CACNB4: variants seen among roughly 807,000 people sequenced by gnomAD.
CACNB4 encodes voltage-dependent L-type calcium channel subunit beta-4.
CACNB4 carries 32 observed loss-of-function variants against 71.2 expected under a neutral mutation model. The ratio of observed to expected loss-of-function variants is 0.45; its 90% CI spans 0.34 to 0.60. CACNB4 has a LOEUF of 0.60. Among genes scored for constraint, CACNB4 ranks in the 20% least tolerant of loss-of-function variants. The pLI, the probability that CACNB4 is intolerant of heterozygous loss-of-function variation, is 0.01. For synonymous variants in CACNB4, 231 were observed against 236.9 expected, an observed-to-expected ratio of 0.97 and a Z score of 0.23; for missense variants, 464 against 647.9, an observed-to-expected ratio of 0.72 and a Z score of 3.08.
At chr2:152,010,079 C>A in intron 2 of CACNB4, among the ~76,000 whole-genome samples, 1 of 152,224 alleles carries the variant, frequency 6.6e-6, no homozygotes, top group East Asian at 1.9e-4. Context: ...AGGCCACTAC[C>A]TTCCTCCAGA....
At chr2:152,040,626 G>C (rs553150754) in intron 2 of CACNB4, among the ~76,000 whole-genome samples, 1 of 152,226 alleles carries the variant, frequency 6.6e-6, no homozygotes, top group African/African-American at 2.4e-5. Context: ...ATTTTTAGTA[G>C]AGACGAGGTT....
intron 2 of CACNB4, among the ~76,000 whole-genome samples, chr2:151,990,748 A>C (rs1027956842): frequency 1.3e-5 from 2 of 152,226 alleles, no homozygotes; most frequent in African/African-American, 4.8e-5. Context: ...TGAGTGAGCA[A>C]ACAGGACAAG....
At chr2:152,054,233 G>A (rs1685603722) in intron 2 of CACNB4, among the ~76,000 whole-genome samples, 1 of 151,688 alleles carries the variant, frequency 6.6e-6, no homozygotes, top group Non-Finnish European at 1.5e-5. Context: ...GGGCGTGGTG[G>A]CGCGCGCCTG....
At chr2:151,869,995 A>G in intron 8 of CACNB4, 1 of 538,376 alleles carries the variant, frequency 1.9e-6, no homozygotes, top group Non-Finnish European at 3.2e-6. Flanking sequence ...TCCTTGTCAC[A>G]TGGTTTTGTT....
At chr2:151,866,876 T>G (rs1173387077) in intron 9 of CACNB4, 1 of 150,516 alleles carries the variant, frequency 6.6e-6, no homozygotes, top group Non-Finnish European at 1.5e-5. Flanking sequence ...CATGAATACT[T>G]GAGATTGAAA....
chr2:151,965,886 C>A lies in CACNB4; in HGVS notation c.148-82516G>T, dbSNP rs529749530. On this transcript the variant is annotated intron_variant, in intron 2 of 13. Coordinates refer to ENST00000539935, the MANE Select transcript of CACNB4 (RefSeq NM_000726.5). ...TAAAAGTCTTAAATAAAACATTTTC[C>A]TTTTCAAACATCTACTCTACTCAAA... Among the ~76,000 whole-genome samples the A allele has an allele frequency of 2.0e-5, 3 of 152,262 alleles. No individual in the cohort carries two copies. The East Asian group carries it at 5.8e-4, about 29-fold the overall frequency.
chr2:151,860,662 C>A (rs1412894147), intron 10 of CACNB4, 49 bp downstream of exon 10: 1 of 1,250,482 alleles, frequency 8.0e-7, no homozygotes, highest in South Asian at 1.2e-5. Flanking sequence ...CATGTGTCAG[C>A]CCGGTCTGTA....
At chr2:152,033,295 C>A (rs184571650) in intron 2 of CACNB4, among the ~76,000 whole-genome samples, 57 of 152,310 alleles carry the variant, frequency 3.7e-4, no homozygotes, top group African/African-American at 1.2e-3. Flanking sequence ...ATTAAATCCC[C>A]GCTTGGTGGT....
chr2:152,052,654 G>C (rs1205521187), intron 2 of CACNB4, among the ~76,000 whole-genome samples: 2 of 152,080 alleles, frequency 1.3e-5, no homozygotes, highest in Non-Finnish European at 2.9e-5. Flanking sequence ...TTCATTCCTT[G>C]TTATTGCCAA....
At chr2:151,919,015 T>G (rs1263438598) in intron 2 of CACNB4, among the ~76,000 whole-genome samples, 1 of 152,072 alleles carries the variant, frequency 6.6e-6, no homozygotes, top group East Asian at 1.9e-4. Flanking sequence ...ATATGGAAGG[T>G]GTGATTTCGC....
At chr2:151,944,963 G>A (rs537268783) in intron 2 of CACNB4, among the ~76,000 whole-genome samples, 1 of 152,240 alleles carries the variant, frequency 6.6e-6, no homozygotes, top group East Asian at 1.9e-4. Flanking sequence ...GGAAGAAAAT[G>A]GCATAATACA....
At chr2:151,868,843 C>A in intron 9 of CACNB4, 1 of 156,916 alleles carries the variant, frequency 6.4e-6, no homozygotes, top group Non-Finnish European at 1.4e-5. Context: ...GACCAGCAAG[C>A]CACTATACTC....
chr2:151,861,991 T>C (rs546138758), intron 9 of CACNB4, among the ~76,000 whole-genome samples: 6 of 152,350 alleles, frequency 3.9e-5, no homozygotes, highest in Admixed American at 3.9e-4. Context: ...CTTCCAATTA[T>C]CTACCAGTAG....
At chr2:151,984,374 A>G (rs1349913207) in intron 2 of CACNB4, among the ~76,000 whole-genome samples, 4 of 152,246 alleles carry the variant, frequency 2.6e-5, no homozygotes, top group African/African-American at 9.6e-5. Flanking sequence ...GCTTTTCTCA[A>G]CCAGGTACCT....
intron 2 of CACNB4, among the ~76,000 whole-genome samples, chr2:151,924,192 C>T (rs1214912080): frequency 6.6e-6 from 1 of 150,400 alleles, no homozygotes; most frequent in African/African-American, 2.4e-5. Context: ...CATTCTCCTG[C>T]CTCAACCTCC....
chr2:151,895,211 G>T (rs140316788), intron 2 of CACNB4, among the ~76,000 whole-genome samples: 58 of 150,320 alleles, frequency 3.9e-4, no homozygotes, highest in Non-Finnish European at 6.9e-4. Context: ...ATACTACAAA[G>T]CTACAGTACC....
chr2:152,046,642 A>G (rs889174884), intron 2 of CACNB4, among the ~76,000 whole-genome samples: 3 of 152,118 alleles, frequency 2.0e-5, no homozygotes, highest in African/African-American at 7.2e-5. Flanking sequence ...GACAGTCCTT[A>G]TTTCTGCCCT....
chr2:152,082,603 T>C (rs777706303), intron 2 of CACNB4, among the ~76,000 whole-genome samples: 1 of 152,230 alleles, frequency 6.6e-6, no homozygotes, highest in Non-Finnish European at 1.5e-5. Flanking sequence ...TAGAACGTGA[T>C]GGAATCTTAG....
intron 2 of CACNB4, among the ~76,000 whole-genome samples, chr2:152,008,429 G>A (rs1279007631): frequency 6.6e-6 from 1 of 152,024 alleles, no homozygotes; most frequent in African/African-American, 2.4e-5. Flanking sequence ...TAAAATTACA[G>A]TCATGCACCA....
Sources: allele counts gnomAD v4.1 joint callset (sites outside exome capture counted in the v4.1 genomes callset), GRCh38; gene constraint gnomAD v4.1.1; transcripts MANE v1.5; gene names NCBI Gene and HGNC (gene_info 2026-07-23, HGNC 2026-07-21).